The following MBD5 variants were observed in gnomAD, a reference collection of about 807,000 sequenced individuals.
MBD5 encodes the protein methyl-CpG-binding domain protein 5.
In MBD5, 13 loss-of-function variants were observed where a neutral mutation model predicts 117.3. The ratio of observed to expected loss-of-function variants is 0.11; its 90% CI spans 0.07 to 0.18. MBD5 has a LOEUF of 0.18. Among genes scored for constraint, MBD5 ranks in the 10% least tolerant of loss-of-function variants. The pLI, the probability that MBD5 is intolerant of heterozygous loss-of-function variation, is 1.00. For missense variants in MBD5, 1,879 were observed against 2,093.8 expected, an observed-to-expected ratio of 0.90 and a Z score of 2.00; for synonymous variants, 727 against 766.4, an observed-to-expected ratio of 0.95 and a Z score of 0.85.
intron 4 of MBD5, among the ~76,000 whole-genome samples, chr2:148,446,205 C>T (rs904621084): frequency 4.6e-5 from 7 of 151,830 alleles, no homozygotes; most frequent in African/African-American, 1.7e-4. Flanking sequence ...GAAGCCCTTG[C>T]CCACGCCTAT....
At chr2:148,385,061 T>A (rs992132733) in intron 4 of MBD5, among the ~76,000 whole-genome samples, 1 of 152,174 alleles carries the variant, frequency 6.6e-6, no homozygotes, top group African/African-American at 2.4e-5. Flanking sequence ...GGGCAAGGAC[T>A]TCCTGTCTAA....
intron 2 of MBD5, among the ~76,000 whole-genome samples, chr2:148,179,369 A>G (rs908596855): frequency 5.3e-5 from 8 of 152,112 alleles, no homozygotes; most frequent in African/African-American, 1.9e-4. Context: ...AAAAAAAAAA[A>G]AGTAACTTCT....
At position 148,469,081 on chromosome 2, in the gene MBD5, A is replaced by T; in HGVS notation, c.1138A>T (p.Ser380Cys). The T allele has an allele frequency of 6.2e-7, 1 of 1,614,004 alleles. No homozygotes were observed. Among genetic ancestry groups the T allele is most frequent in the Non-Finnish European group, 8.5e-7 (1 of 1,179,968 alleles). ...GAACCCTGTTATCATTAATCCAACC[A>T]GTTTCCATTCAAATGTCCACTCTCA... ...NQNPVIINPT[S>C]FHSNVHSQVP... The change falls in exon 8 of 14, where the codon AGT (serine) becomes TGT (cysteine). Residue 380 changes from serine to cysteine, a missense_variant. By Grantham distance (112) the Ser-to-Cys change is moderately radical (BLOSUM62 -1). Transcript: ENST00000642680.
At chr2:148,104,194 C>G (rs537921483) in intron 1 of MBD5, among the ~76,000 whole-genome samples, 1 of 152,290 alleles carries the variant, frequency 6.6e-6, no homozygotes, top group South Asian at 2.1e-4. Flanking sequence ...CTCCCCCTCA[C>G]TGGACCATAA....
chr2:148,096,583 C>T (rs1488634302), intron 1 of MBD5, among the ~76,000 whole-genome samples: 1 of 152,142 alleles, frequency 6.6e-6, no homozygotes, highest in Non-Finnish European at 1.5e-5. Flanking sequence ...TTGTGCTTTC[C>T]TTGGCTCTGA....
At chr2:148,074,501 T>TG in intron 1 of MBD5, among the ~76,000 whole-genome samples, 1 of 98,212 alleles carries the variant, frequency 1.0e-5, no homozygotes, top group South Asian at 3.1e-4. Flanking sequence ...TTTTGTTTTT[T>TG]TTTTTGTTTT....
chr2:148,187,315 A>T (rs189086868), intron 2 of MBD5, among the ~76,000 whole-genome samples: 1 of 147,082 alleles, frequency 6.8e-6, no homozygotes, highest in Non-Finnish European at 1.5e-5. Flanking sequence ...TACCCCCCCC[A>T]AAAAAAAAAC....
intron 3 of MBD5, among the ~76,000 whole-genome samples, chr2:148,335,110 C>T (rs535147263): frequency 1.4e-3 from 206 of 152,026 alleles, no homozygotes; most frequent in African/African-American, 4.7e-3. Flanking sequence ...GGCAACTGAC[C>T]GGGTGCAGTA....
intron 1 of MBD5, among the ~76,000 whole-genome samples, chr2:148,154,839 C>G (rs1387938578): frequency 6.6e-6 from 1 of 152,124 alleles, no homozygotes. Flanking sequence ...TCTGGCACTC[C>G]CTAGTGAGAT....
chr2:148,045,814 G>A (rs1365930684), intron 1 of MBD5, among the ~76,000 whole-genome samples: 1 of 151,980 alleles, frequency 6.6e-6, no homozygotes, highest in Non-Finnish European at 1.5e-5. Flanking sequence ...TATTAAGTAT[G>A]TTAGAATTTG....
At chr2:148,064,132 T>G (rs1287660632) in intron 1 of MBD5, among the ~76,000 whole-genome samples, 1 of 147,130 alleles carries the variant, frequency 6.8e-6, no homozygotes, top group Non-Finnish European at 1.5e-5. Context: ...TTTTTTCTTT[T>G]TTTTTTTTTT....
At chr2:148,330,390 C>A (rs1702613541) in intron 3 of MBD5, 1 of 151,968 alleles carries the variant, frequency 6.6e-6, no homozygotes, top group African/African-American at 2.4e-5. Flanking sequence ...AAAGGAAAAT[C>A]CATATACAGC....
rs996086591 is a variant in MBD5, at chr2:148,512,989, A to G, written c.*48A>G. The G allele has an allele frequency of 1.3e-6, 2 of 1,523,546 alleles. No homozygotes were observed. Among genetic ancestry groups the G allele is most frequent in the African/African-American group, 1.4e-5 (1 of 72,954 alleles). The allele number at this position is 1,523,546 out of a possible 1,614,324, so 94.4% of individuals were successfully genotyped here. ...CAGTGTTTATTAAAGGAACATGCAC[A>G]GATGTATCTGTATATAGGTATTGAT... On this transcript the variant is annotated 3_prime_UTR_variant, in exon 14 of 14. Transcript: ENST00000642680.
At position 148,328,176 on chromosome 2, in the gene MBD5, C is replaced by A. The variant is rs187163997; in HGVS notation, c.-679-14038C>A. ...TCGGGGGTCAGGGGTCAGGGACCCA[C>A]TTGAGGAGGCAGTCTGCCCATTCTC... On this transcript the variant is annotated intron_variant, in intron 3 of 13. Coordinates refer to ENST00000642680, the MANE Select transcript of MBD5 (RefSeq NM_001378120.1). 8.7e-4 allele frequency among the ~76,000 whole-genome samples: 133 copies of A among 152,350 alleles called. 1 individual carries two copies. Among genetic ancestry groups the A allele is most frequent in the African/African-American group, 3.0e-3 (124 of 41,588 alleles).
At chr2:148,158,506 G>A (rs2105726870) in intron 1 of MBD5, among the ~76,000 whole-genome samples, 1 of 152,246 alleles carries the variant, frequency 6.6e-6, no homozygotes, top group East Asian at 1.9e-4. Flanking sequence ...AACCTTCGTG[G>A]TACGAAGAGC....
At chr2:148,412,110 A>G (rs1380817229) in intron 4 of MBD5, among the ~76,000 whole-genome samples, 1 of 152,032 alleles carries the variant, frequency 6.6e-6, no homozygotes, top group Non-Finnish European at 1.5e-5. Flanking sequence ...TGAATGGGGA[A>G]TCCTCTCCCC....
chr2:148,447,069 GAAAA>G (rs1454454326), intron 4 of MBD5, among the ~76,000 whole-genome samples: 1 of 132,636 alleles, frequency 7.5e-6, no homozygotes. Flanking sequence ...AAGAAAGAAA[GAAAA>G]AGAAAGAAAC....
intron 1 of MBD5, among the ~76,000 whole-genome samples, chr2:148,152,047 G>A (rs1344014771): frequency 6.6e-6 from 1 of 150,884 alleles, no homozygotes. Flanking sequence ...TGTCAATTTT[G>A]GATCTTTCCT....
At chr2:148,102,760 AG>A in intron 1 of MBD5, among the ~76,000 whole-genome samples, 1 of 111,686 alleles carries the variant, frequency 9.0e-6, no homozygotes, top group African/African-American at 3.1e-5. Flanking sequence ...AGAGAGAGAG[AG>A]GAAGAGAGAG....
Sources: allele counts gnomAD v4.1 joint callset (sites outside exome capture counted in the v4.1 genomes callset), GRCh38; gene constraint gnomAD v4.1.1; transcripts MANE v1.5; gene names NCBI Gene and HGNC (gene_info 2026-07-23, HGNC 2026-07-21).